XRN1: variants seen among roughly 807,000 people sequenced by gnomAD.
XRN1 encodes 5'-3' exoribonuclease 1.
XRN1 carries 67 observed loss-of-function variants against 222.3 expected under a neutral mutation model. The observed-to-expected ratio is 0.30, with a 90% CI of 0.25 to 0.37. The LOEUF (loss-of-function observed/expected upper bound fraction) is 0.37, where lower values mean the gene tolerates loss of function less well. XRN1 is among the 10% of genes least tolerant of loss of function. The pLI is 1.00. For synonymous variants in XRN1, 643 were observed against 652.4 expected (o/e 0.99, Z 0.22); for missense variants, 1,707 against 2,000.2 (o/e 0.85, Z 2.80).
At chr3:142,352,726 A>C (rs142496499) in intron 32 of XRN1, among the ~76,000 whole-genome samples, 2 of 151,948 alleles carry the variant, frequency 1.3e-5, no homozygotes, top group Non-Finnish European at 2.9e-5. Context: ...TGCAACTTCC[A>C]CCTCCTGGGT....
intron 9 of XRN1, 96 bp downstream of exon 9, chr3:142,421,380 G>T: frequency 9.5e-7 from 1 of 1,047,560 alleles, no homozygotes; most frequent in Non-Finnish European, 1.4e-6. Flanking sequence ...AATTGGAATA[G>T]AATTATAAAA....
intron 15 of XRN1, among the ~76,000 whole-genome samples, chr3:142,412,126 C>T (rs1168493477): frequency 1.3e-5 from 2 of 152,060 alleles, no homozygotes; most frequent in African/African-American, 2.4e-5. Context: ...GCCCGGCCAT[C>T]CTTACTGAAT....
intron 34 of XRN1, 97 bp downstream of exon 34, chr3:142,335,351 T>C (rs1201068474): frequency 9.5e-6 from 11 of 1,154,670 alleles, no homozygotes; most frequent in Non-Finnish European, 1.4e-5. Context: ...ACCTTATAAA[T>C]TTGGTTGAAA....
At chr3:142,418,203 G>C (rs1303141471) in intron 12 of XRN1, 1 of 269,626 alleles carries the variant, frequency 3.7e-6, no homozygotes, top group African/African-American at 2.2e-5. Context: ...GGCCAATTAT[G>C]ATGAACCTTC....
chr3:142,426,096 C>G (rs1464615410), intron 3 of XRN1, among the ~76,000 whole-genome samples: 1 of 152,062 alleles, frequency 6.6e-6, no homozygotes, highest in African/African-American at 2.4e-5. Context: ...GGTTGTTAAA[C>G]TGAGCAATGT....
intron 2 of XRN1, among the ~76,000 whole-genome samples, chr3:142,431,996 G>GTATATATTATATAATATATTA (rs1559880263): frequency 3.0e-5 from 1 of 33,424 alleles, no homozygotes; most frequent in Non-Finnish European, 4.9e-5. Flanking sequence ...ATAATATATT[G>GTATATATTATATAATATATTA]TATATATATA....
chr3:142,346,573 C>A (rs891962669), intron 33 of XRN1, among the ~76,000 whole-genome samples: 12 of 152,126 alleles, frequency 7.9e-5, no homozygotes, highest in Non-Finnish European at 1.5e-4. Context: ...CTCCGCCCCC[C>A]AGGCTCAAGC....
intron 33 of XRN1, among the ~76,000 whole-genome samples, chr3:142,345,891 G>A (rs898576494): frequency 6.6e-6 from 1 of 152,206 alleles, no homozygotes; most frequent in Non-Finnish European, 1.5e-5. Flanking sequence ...AATAACAAAT[G>A]TTGTGAAGGA....
At chr3:142,426,714 C>A in intron 3 of XRN1, 30 bp downstream of exon 3, 1 of 1,567,710 alleles carries the variant, frequency 6.4e-7, no homozygotes, top group Non-Finnish European at 8.7e-7. Flanking sequence ...TATTTCAATT[C>A]TGTCATAATT....
chr3:142,443,534 C>T (rs1236424652), intron 1 of XRN1, among the ~76,000 whole-genome samples: 1 of 152,190 alleles, frequency 6.6e-6, no homozygotes, highest in East Asian at 1.9e-4. Context: ...GTGGGAGGGA[C>T]AAGGATCGGG....
chr3:142,340,338 A>C (rs1487599145), intron 33 of XRN1, among the ~76,000 whole-genome samples: 1 of 151,912 alleles, frequency 6.6e-6, no homozygotes, highest in African/African-American at 2.4e-5. Context: ...CTGGGCAATA[A>C]AAGTGAAACT....
rs2069029103 is a variant in XRN1, at chr3:142,421,447, C to G, written c.1035+29G>C. ...CTGATCATTTACAGCTACTCTGCGA[C>G]AGGAAACCAAAAATTTCTAGTTACT... On this transcript the variant is annotated intron_variant, in intron 9 of 40. Coordinates refer to ENST00000392981, the MANE Select transcript of XRN1 (RefSeq NM_001282857.2). 4.4e-6 allele frequency: 7 copies of G among 1,582,688 alleles called. No homozygotes were observed. In the South Asian group the frequency reaches 8.2e-5, roughly 19 times the overall value.
rs1054677077 is a variant in XRN1 at position 142,425,071 on chromosome 3, A to C, written c.627+151T>G. ...TGGTTAAAAAGCTCATTTTCCAATG[A>C]TTTTTAGAAATTTGGTAATGATAGA... On this transcript the variant is annotated intron_variant, in intron 5 of 40. Transcript: ENST00000392981. 7.3e-6 allele frequency: 4 copies of C among 545,060 alleles called. No homozygotes were observed. The African/African-American group carries it at 7.8e-5, about 11-fold the overall frequency. The allele number at this position is 545,060 out of a possible 1,614,324, so 33.8% of individuals were successfully genotyped here. A position where few individuals can be genotyped will look rare whatever the true frequency, so the allele number is the denominator to read the frequency against.
At chr3:142,435,810 T>G (rs992206514) in intron 1 of XRN1, 15 of 134,160 alleles carry the variant, frequency 1.1e-4, no homozygotes, top group African/African-American at 3.7e-4. Flanking sequence ...ACGCCTGTAA[T>G]CCCAGCACTT....
chr3:142,434,538 C>G (rs1005083347), intron 1 of XRN1, among the ~76,000 whole-genome samples: 2 of 129,746 alleles, frequency 1.5e-5, no homozygotes, highest in Admixed American at 1.6e-4. Context: ...TTACATTTTA[C>G]AGAACGATTT....
intron 20 of XRN1, among the ~76,000 whole-genome samples, chr3:142,394,977 T>G (rs983966146): frequency 3.3e-5 from 5 of 152,326 alleles, no homozygotes; most frequent in East Asian, 3.9e-4. Flanking sequence ...CTCAACTTAG[T>G]AGAACATATC....
Position 142,398,090 on chromosome 3 carries a change from A to G in XRN1, c.2208-630T>C, listed in dbSNP as rs1559848652. On this transcript the variant is annotated intron_variant, in intron 19 of 40. Coordinates refer to ENST00000392981, the MANE Select transcript of XRN1 (RefSeq NM_001282857.2). ...ACAGTGTCTCTACAAAGAAAAATAA[A>G]AAAAATATGCCAGGTATGGTAACAC... Among the ~76,000 whole-genome samples the G allele has an allele frequency of 5.3e-5, 8 of 152,184 alleles. No individual in the cohort carries two copies. The South Asian group carries it at 1.7e-3, about 32-fold the overall frequency.
intron 35 of XRN1, 156 bp downstream of exon 35, chr3:142,332,811 A>G: frequency 8.6e-7 from 1 of 1,160,234 alleles, no homozygotes; most frequent in Non-Finnish European, 1.2e-6. Flanking sequence ...GTATGGCTAA[A>G]TTGCCCAGGG....
chr3:142,419,320 G>A (rs906253620), intron 10 of XRN1, among the ~76,000 whole-genome samples: 2 of 151,810 alleles, frequency 1.3e-5, no homozygotes, highest in Admixed American at 1.3e-4. Flanking sequence ...TTTTCTTAGG[G>A]GGGGAAAAAA....
Sources: allele counts gnomAD v4.1 joint callset (sites outside exome capture counted in the v4.1 genomes callset), GRCh38; gene constraint gnomAD v4.1.1; transcripts MANE v1.5; gene names NCBI Gene and HGNC (gene_info 2026-07-23, HGNC 2026-07-21).